The following NAV2 variants were observed in gnomAD, a reference collection of about 807,000 sequenced individuals.
NAV2 encodes helicase, APC down-regulated 1.
Under a neutral mutation model 223.2 loss-of-function variants are expected in NAV2, and 54 were observed. That is an observed-to-expected ratio of 0.24 (90% CI 0.19 to 0.30). NAV2 has a LOEUF of 0.30. Ranked by LOEUF, NAV2 falls within the 10% of genes least tolerant of loss-of-function variation. The probability of loss-of-function intolerance (pLI) is 1.00; values close to 1 mark genes in which losing one functional copy is unlikely to be tolerated. For synonymous variants in NAV2, 1,279 were observed against 1,239.3 expected, an observed-to-expected ratio of 1.03 and a Z score of -0.67; for missense variants, 2,806 against 3,147.5, an observed-to-expected ratio of 0.89 and a Z score of 2.60.
In NAV2 at chr11:20,054,082, A is replaced by T. The variant is rs374392782; in HGVS notation, c.4484A>T (p.Tyr1495Phe). 1 of 1,612,894 alleles carries T rather than the reference A, an allele frequency of 6.2e-7. No individual in the cohort carries two copies. Among genetic ancestry groups the T allele is most frequent in the Non-Finnish European group, 8.5e-7 (1 of 1,179,788 alleles). The change falls in exon 18 of 38, where the codon TAT (tyrosine) becomes TTT (phenylalanine). Residue 1495 changes from tyrosine to phenylalanine, a missense_variant and splice_region_variant. Physicochemically the swap from Tyr to Phe is conservative, Grantham distance 22. Transcript: ENST00000349880. ...CGGCTTGATTTCTGTCTGTCCAGGTATACTCCCACCTCCCAGCTTCGCACG... is the reference window on the plus strand; with the variant it reads ...CGGCTTGATTTCTGTCTGTCCAGGTTTACTCCCACCTCCCAGCTTCGCACG... ...RNTLPKKGLR[Y>F]TPTSQLRTQE...
chr11:19,787,670 G>C (rs1158070618), intron 1 of NAV2, among the ~76,000 whole-genome samples: 1 of 152,122 alleles, frequency 6.6e-6, no homozygotes, highest in African/African-American at 2.4e-5. Context: ...TAGCATGATA[G>C]TAAACTTAGA....
At chr11:19,485,491 C>A (rs773160176) in intron 1 of NAV2, among the ~76,000 whole-genome samples, 4 of 152,158 alleles carry the variant, frequency 2.6e-5, no homozygotes, top group Non-Finnish European at 4.4e-5. Flanking sequence ...AAAGGCCCAT[C>A]CACTCCCAAA....
At chr11:19,946,617 G>T in intron 9 of NAV2, 108 bp downstream of exon 9, 1 of 896,140 alleles carries the variant, frequency 1.1e-6, no homozygotes, top group Non-Finnish European at 1.7e-6. Context: ...TCATAGCCTC[G>T]CTTTCCAAAT....
chr11:20,051,307 G>A lies in NAV2; in HGVS notation c.4455G>A (p.Arg1485=). 6.2e-7 allele frequency: 1 copy of A among 1,614,066 alleles called. No homozygotes were observed. The highest frequency in any genetic ancestry group is 8.5e-7 in the Non-Finnish European group (1 of 1,179,956). Reference sequence around the variant, plus strand: ...CCTACAGTGACCCGCACCTTGATAGGAACACTTTGCCTAAGAAAGGACTCA... The same window carrying A: ...CCTACAGTGACCCGCACCTTGATAGAAACACTTTGCCTAAGAAAGGACTCA... ...RKQDSDPHLD[R]NTLPKKGLRY... The change falls in exon 17 of 38, where the codon AGG becomes AGA. Residue 1485 remains arginine, a synonymous_variant. Transcript: ENST00000349880.
intron 1 of NAV2, among the ~76,000 whole-genome samples, chr11:19,602,578 C>T (rs1026987248): frequency 2.6e-5 from 4 of 152,170 alleles, no homozygotes; most frequent in Non-Finnish European, 5.9e-5. Flanking sequence ...TTTATTCTCT[C>T]ACAGTTCTGG....
At position 20,080,084 on chromosome 11, in the gene NAV2, G is replaced by A. The variant is rs1419308734; in HGVS notation, c.5200G>A (p.Ala1734Thr). 2 of 1,613,974 alleles carry A rather than the reference G, an allele frequency of 1.2e-6. No homozygotes were observed. Among genetic ancestry groups the A allele is most frequent in the Non-Finnish European group, 1.7e-6 (2 of 1,180,012 alleles). The change falls in exon 25 of 38, where the codon GCA becomes ACA. Residue 1734 changes from alanine (A) to threonine (T), a missense_variant. By Grantham distance (58) the Ala-to-Thr change is moderately conservative. Transcript: ENST00000349880. ...TCCAGGAAACGGCACTGCCCAGTCT[G>A]CAGACCTCCGCATCCGCAGGCAGCA... Reference protein sequence around the residue: ...NCKGNGTAQSADLRIRRQHSS... With the variant: ...NCKGNGTAQSTDLRIRRQHSS...
intron 1 of NAV2, among the ~76,000 whole-genome samples, chr11:19,806,744 C>A (rs1241862509): frequency 6.6e-6 from 1 of 152,170 alleles, no homozygotes; most frequent in African/African-American, 2.4e-5. Flanking sequence ...ATGCTAGAGA[C>A]CCTCCTTTTT....
chr11:19,471,568 G>T (rs2041966258), intron 1 of NAV2, among the ~76,000 whole-genome samples: 1 of 152,090 alleles, frequency 6.6e-6, no homozygotes, highest in Admixed American at 6.5e-5. Context: ...AGGGTAAGTG[G>T]GGTTAGGCAG....
At chr11:19,506,366 G>T (rs1490985506) in intron 1 of NAV2, 2 of 152,338 alleles carry the variant, frequency 1.3e-5, no homozygotes, top group African/African-American at 4.8e-5. Flanking sequence ...CAGCAGCCTA[G>T]GCAGAGTGAG....
At chr11:19,637,266 T>A (rs1379994328) in intron 1 of NAV2, among the ~76,000 whole-genome samples, 1 of 152,196 alleles carries the variant, frequency 6.6e-6, no homozygotes, top group Admixed American at 6.5e-5. Flanking sequence ...TTTGGCCTCC[T>A]GGCCACATGG....
chr11:19,464,533 TA>T (rs1279620566), intron 1 of NAV2, among the ~76,000 whole-genome samples: 2 of 152,216 alleles, frequency 1.3e-5, no homozygotes, highest in Non-Finnish European at 2.9e-5. Context: ...TTCTCCTCTT[TA>T]GGCCTCAGTT....
At chr11:19,412,158 A>T (rs1850172762) in intron 1 of NAV2, among the ~76,000 whole-genome samples, 1 of 152,176 alleles carries the variant, frequency 6.6e-6, no homozygotes, top group Non-Finnish European at 1.5e-5. Context: ...GAGCCCAGCA[A>T]GCTAAAATCC....
intron 1 of NAV2, among the ~76,000 whole-genome samples, chr11:19,579,215 C>T (rs926949331): frequency 1.3e-5 from 2 of 152,176 alleles, no homozygotes; most frequent in African/African-American, 4.8e-5. Flanking sequence ...CCTCTCTAAG[C>T]CTCAGCTGTC....
rs1392175669 is a variant in NAV2 at position 20,062,376 on chromosome 11, G to A, written c.4884+17G>A. The A allele has an allele frequency of 1.3e-6, 2 of 1,589,570 alleles. No individual in the cohort carries two copies. Among genetic ancestry groups the A allele is most frequent in the Admixed American group, 1.7e-5 (1 of 57,554 alleles). On this transcript the variant is annotated intron_variant, in intron 20 of 37. Coordinates refer to ENST00000349880, the MANE Select transcript of NAV2 (RefSeq NM_145117.5). Reference sequence around the variant, plus strand: ...TATTCTACAGTGAGTATAAATCAATGCTGTGTGGCTGTGATCATGAGAACT... The same window carrying A: ...TATTCTACAGTGAGTATAAATCAATACTGTGTGGCTGTGATCATGAGAACT...
At chr11:19,460,500 T>A (rs1161919994) in intron 1 of NAV2, among the ~76,000 whole-genome samples, 1 of 152,120 alleles carries the variant, frequency 6.6e-6, no homozygotes, top group Non-Finnish European at 1.5e-5. Flanking sequence ...AAAAATTCCT[T>A]TGGTAGCTTC....
chr11:19,757,139 TGTG>T (rs1341017029), intron 1 of NAV2, among the ~76,000 whole-genome samples: 1 of 152,104 alleles, frequency 6.6e-6, no homozygotes, highest in Non-Finnish European at 1.5e-5. Flanking sequence ...TCCCATCTAA[TGTG>T]GGGCTATTTT....
chr11:19,690,325 G>T (rs1001206622), intron 1 of NAV2, among the ~76,000 whole-genome samples: 3 of 152,062 alleles, frequency 2.0e-5, no homozygotes, highest in African/African-American at 4.8e-5. Context: ...ATAGTTTTAG[G>T]TCACTCCTCT....
chr11:19,893,574 A>T (rs1212291932), intron 6 of NAV2, among the ~76,000 whole-genome samples: 2 of 152,188 alleles, frequency 1.3e-5, no homozygotes, highest in African/African-American at 4.8e-5. Flanking sequence ...GAGTCACTTG[A>T]TGCAGTGGAA....
rs369229682 is a variant in NAV2 at position 19,381,054 on chromosome 11, TTC to T, written c.75+30033_75+30034del. Among the ~76,000 whole-genome samples the T allele has an allele frequency of 4.3e-3, 652 of 152,332 alleles. 9 individuals carry two copies. The highest frequency in any genetic ancestry group is 0.015 in the African/African-American group (632 of 41,570). The stretch of plus-strand genomic sequence containing the variant: ...TCTTGCCTCTTTGCCTATACCTGTG[TTC>T]TCTCTGCTTCCTAGAAGCCTTCCCT... On this transcript the variant is annotated intron_variant, in intron 1 of 37. Coordinates refer to the NAV2 transcript ENST00000360655.
Sources: allele counts gnomAD v4.1 joint callset (sites outside exome capture counted in the v4.1 genomes callset), GRCh38; gene constraint gnomAD v4.1.1; transcripts MANE v1.5; gene names NCBI Gene and HGNC (gene_info 2026-07-23, HGNC 2026-07-21).